ROBO2: variants seen among roughly 807,000 people sequenced by gnomAD.
The protein encoded by ROBO2 is roundabout homolog 2.
ROBO2 carries 53 observed loss-of-function variants against 160.8 expected under a neutral mutation model. That is an observed-to-expected ratio of 0.33 (90% CI 0.26 to 0.41). The LOEUF is 0.41. Among genes scored for constraint, ROBO2 ranks in the 10% least tolerant of loss-of-function variants. The pLI, the probability that ROBO2 is intolerant of heterozygous loss-of-function variation, is 1.00. For missense variants in ROBO2, 1,577 were observed against 1,722.4 expected (o/e 0.92, Z 1.49); for synonymous variants, 664 against 611.7 (o/e 1.09, Z -1.26).
At chr3:77,227,983 T>C (rs1011107847) in intron 2 of ROBO2, among the ~76,000 whole-genome samples, 2 of 152,208 alleles carry the variant, frequency 1.3e-5, no homozygotes, top group Admixed American at 6.5e-5. Flanking sequence ...CAGAGGTATG[T>C]AGAAGAGAAA....
intron 2 of ROBO2, among the ~76,000 whole-genome samples, chr3:75,977,782 A>C (rs1158262106): frequency 6.6e-6 from 1 of 151,526 alleles, no homozygotes; most frequent in Non-Finnish European, 1.5e-5. Context: ...TGCATTATAC[A>C]TTATTTTCTG....
At chr3:77,356,523 T>C (rs1235610966) in intron 2 of ROBO2, among the ~76,000 whole-genome samples, 1 of 152,198 alleles carries the variant, frequency 6.6e-6, no homozygotes, top group Non-Finnish European at 1.5e-5. Context: ...AAATACATTT[T>C]TCTTACCCAT....
chr3:76,154,037 C>A (rs992209148), intron 2 of ROBO2, among the ~76,000 whole-genome samples: 2 of 152,114 alleles, frequency 1.3e-5, no homozygotes, highest in Admixed American at 1.3e-4. Context: ...CCTAGGTGAA[C>A]TGGACACATA....
At chr3:77,111,793 T>C (rs1173724902) in intron 2 of ROBO2, among the ~76,000 whole-genome samples, 1 of 152,202 alleles carries the variant, frequency 6.6e-6, no homozygotes, top group Non-Finnish European at 1.5e-5. Context: ...AAGTCCCTAC[T>C]TTAAACGAGG....
At chr3:77,624,728 G>T (rs1005923935) in intron 23 of ROBO2, among the ~76,000 whole-genome samples, 1 of 152,132 alleles carries the variant, frequency 6.6e-6, no homozygotes, top group African/African-American at 2.4e-5. Context: ...TTTGTGGTGT[G>T]AATAAATTAG....
chr3:77,043,893 A>G (rs1050161872), intron 1 of ROBO2, among the ~76,000 whole-genome samples: 1 of 152,302 alleles, frequency 6.6e-6, no homozygotes, highest in African/African-American at 2.4e-5. Context: ...AGATAAATAT[A>G]GTAAAGATAA....
chr3:76,905,405 G>T (rs574680100), intron 2 of ROBO2, among the ~76,000 whole-genome samples: 1 of 152,274 alleles, frequency 6.6e-6, no homozygotes, highest in East Asian at 1.9e-4. Flanking sequence ...GAAGGCTTAT[G>T]ATCTGACACT....
At chr3:76,946,640 G>A (rs2078563250) in intron 2 of ROBO2, among the ~76,000 whole-genome samples, 1 of 152,092 alleles carries the variant, frequency 6.6e-6, no homozygotes, top group Non-Finnish European at 1.5e-5. Context: ...GTTTCACCAT[G>A]TTGGCCAGGC....
At chr3:77,126,889 C>T (rs537548663) in intron 2 of ROBO2, among the ~76,000 whole-genome samples, 220 of 148,314 alleles carry the variant, frequency 1.5e-3, no homozygotes, top group African/African-American at 5.0e-3. Flanking sequence ...CCCGGGTTCA[C>T]GCCATTCTCC....
At chr3:75,929,172 CGTGTGTGTGTGTGTGT>C (rs35861088) in intron 1 of ROBO2, among the ~76,000 whole-genome samples, 15 of 113,604 alleles carry the variant, frequency 1.3e-4, no homozygotes, top group Admixed American at 6.0e-4. Context: ...CTGGATAAGA[CGTGTGTGTGTGTGTGT>C]GTGTGTGTGT....
intron 2 of ROBO2, among the ~76,000 whole-genome samples, chr3:77,417,441 A>G (rs1263259263): frequency 2.7e-5 from 4 of 149,688 alleles, no homozygotes; most frequent in African/African-American, 9.7e-5. Flanking sequence ...CTTTTCTTTC[A>G]TATATGCCCA....
rs549907303 is a variant in ROBO2 at position 76,047,046 on chromosome 3, A to G, written c.109+109444A>G. ...TGCAAGCAACTTAAATGCATTTGGA[A>G]CAGAAGTGATATATAAGTAACAACC... is the stretch of plus-strand genomic sequence containing the variant. On this transcript the variant is annotated intron_variant, in intron 2 of 26. Coordinates refer to the ROBO2 transcript ENST00000487694. Among the ~76,000 whole-genome samples the G allele has an allele frequency of 4.6e-5, 7 of 152,306 alleles. No individual in the cohort carries two copies. In the South Asian group the frequency reaches 1.5e-3, roughly 32 times the overall value.
chr3:76,948,898 ATATATATATATTT>A (rs1346157283), intron 2 of ROBO2, among the ~76,000 whole-genome samples: 344 of 31,270 alleles, frequency 0.011, no homozygotes, highest in Non-Finnish European at 0.016. Context: ...ATATATATAT[ATATATATATATTT>A]TTTTTTTTTT....
chr3:77,207,449 A>G (rs1365643972), intron 2 of ROBO2, among the ~76,000 whole-genome samples: 1 of 152,226 alleles, frequency 6.6e-6, no homozygotes, highest in African/African-American at 2.4e-5. Flanking sequence ...TTAGATGCTT[A>G]AATGCCTCTC....
intron 2 of ROBO2, among the ~76,000 whole-genome samples, chr3:76,766,597 T>G (rs1037932518): frequency 6.6e-6 from 1 of 151,680 alleles, no homozygotes; most frequent in African/African-American, 2.4e-5. Flanking sequence ...AGAAACGTAA[T>G]GCTTAACACA....
chr3:77,250,980 T>C (rs2090275864), intron 2 of ROBO2, among the ~76,000 whole-genome samples: 1 of 152,096 alleles, frequency 6.6e-6, no homozygotes. Flanking sequence ...TTCAAACATT[T>C]CACCCCTGGC....
At chr3:76,266,210 TTCA>T (rs1707091187) in intron 2 of ROBO2, among the ~76,000 whole-genome samples, 1 of 152,146 alleles carries the variant, frequency 6.6e-6, no homozygotes, top group Admixed American at 6.6e-5. Context: ...TAAATCCCAC[TTCA>T]TCATGGTGCA....
intron 2 of ROBO2, among the ~76,000 whole-genome samples, chr3:76,291,601 A>G (rs757916728): frequency 2.6e-5 from 4 of 152,008 alleles, no homozygotes; most frequent in Non-Finnish European, 2.9e-5. Flanking sequence ...TAGTTCTTCT[A>G]GAGGCGATGT....
At chr3:77,237,411 T>TTGTTTTGTGTGTGTGTGTGTG (rs1553862751) in intron 2 of ROBO2, among the ~76,000 whole-genome samples, 1 of 131,046 alleles carries the variant, frequency 7.6e-6, no homozygotes, top group Non-Finnish European at 1.6e-5. Flanking sequence ...TTGTTTTGTT[T>TTGTTTTGTGTGTGTGTGTGTG]TGTGTGTGTG....
Sources: allele counts gnomAD v4.1 joint callset (sites outside exome capture counted in the v4.1 genomes callset), GRCh38; gene constraint gnomAD v4.1.1; transcripts MANE v1.5; gene names NCBI Gene and HGNC (gene_info 2026-07-23, HGNC 2026-07-21).